The following KCTD16 variants were observed in gnomAD, a reference collection of about 807,000 sequenced individuals.
The protein encoded by KCTD16 is potassium channel tetramerization domain containing 16.
A neutral mutation model predicts 33.2 loss-of-function variants in KCTD16; 13 were observed. The observed-to-expected ratio is 0.39, with a 90% CI of 0.25 to 0.62. KCTD16 has a LOEUF of 0.62. KCTD16 is among the 20% of genes least tolerant of loss of function. The probability of loss-of-function intolerance (pLI) is 0.50; values close to 1 mark genes in which losing one functional copy is unlikely to be tolerated. For missense variants in KCTD16, 441 were observed against 525.1 expected, an observed-to-expected ratio of 0.84 and a Z score of 1.57; for synonymous variants, 197 against 195.3, an observed-to-expected ratio of 1.01 and a Z score of -0.07.
rs1404761917 is a variant in KCTD16 at position 144,446,514 on chromosome 5, A to G, written c.833-27146A>G. Among the ~76,000 whole-genome samples, 3 of 152,288 alleles carry G rather than the reference A, an allele frequency of 2.0e-5. No individual in the cohort carries two copies. The East Asian group carries it at 5.8e-4, about 29-fold the overall frequency. On this transcript the variant is annotated intron_variant, in intron 3 of 3. Transcript: ENST00000512467. ...GGCATGAACAAAGACTTCATGACTAAAACACCAAAAGCAATTGCAACAAAA... is the reference window on the plus strand; with the variant it reads ...GGCATGAACAAAGACTTCATGACTAGAACACCAAAAGCAATTGCAACAAAA...
intron 3 of KCTD16, among the ~76,000 whole-genome samples, chr5:144,264,502 A>T (rs1580830367): frequency 6.6e-6 from 1 of 152,126 alleles, no homozygotes; most frequent in African/African-American, 2.4e-5. Context: ...TGGAGTGGTG[A>T]CTATAATCCC....
chr5:144,295,004 A>C (rs1251712869), intron 3 of KCTD16, among the ~76,000 whole-genome samples: 2 of 152,156 alleles, frequency 1.3e-5, no homozygotes, highest in East Asian at 3.9e-4. Flanking sequence ...CCAATTGTTG[A>C]GCATTTTCTA....
chr5:144,384,361 G>A (rs540316092), intron 3 of KCTD16: 21 of 152,300 alleles, frequency 1.4e-4, no homozygotes, highest in Admixed American at 5.9e-4. Context: ...TCGTCATTCT[G>A]TGTTTTAAAT....
At chr5:144,238,354 T>A (rs1754311181) in intron 3 of KCTD16, among the ~76,000 whole-genome samples, 1 of 152,160 alleles carries the variant, frequency 6.6e-6, no homozygotes, top group Admixed American at 6.6e-5. Flanking sequence ...TCCCTTAAAA[T>A]TCTAGTCTGT....
intron 3 of KCTD16, among the ~76,000 whole-genome samples, chr5:144,259,866 T>C (rs1227493210): frequency 6.6e-6 from 1 of 152,208 alleles, no homozygotes; most frequent in Non-Finnish European, 1.5e-5. Context: ...TTCTTTATAG[T>C]ACCTTAGTCT....
At chr5:144,281,815 T>A (rs985839636) in intron 3 of KCTD16, among the ~76,000 whole-genome samples, 2 of 152,226 alleles carry the variant, frequency 1.3e-5, no homozygotes, top group Non-Finnish European at 2.9e-5. Context: ...TGGATTTGTC[T>A]TTTTCTTCTT....
intron 3 of KCTD16, among the ~76,000 whole-genome samples, chr5:144,408,855 C>T (rs892613381): frequency 6.6e-5 from 10 of 152,086 alleles, no homozygotes; most frequent in Non-Finnish European, 1.2e-4. Flanking sequence ...TTCCTTATTC[C>T]TCCCCCAGAC....
intron 3 of KCTD16, among the ~76,000 whole-genome samples, chr5:144,423,479 C>G (rs1328385919): frequency 1.3e-5 from 2 of 152,064 alleles, no homozygotes; most frequent in Admixed American, 6.6e-5. Context: ...ATCCCCCAGC[C>G]CTTTCAGAAA....
intron 3 of KCTD16, among the ~76,000 whole-genome samples, chr5:144,299,068 A>ATTT (rs1208107028): frequency 1.3e-5 from 1 of 79,498 alleles, no homozygotes; most frequent in South Asian, 3.1e-4. Flanking sequence ...ATATATATAT[A>ATTT]TATATTTTTG....
At chr5:144,405,595 A>G (rs940249379) in intron 3 of KCTD16, among the ~76,000 whole-genome samples, 6 of 152,142 alleles carry the variant, frequency 3.9e-5, no homozygotes, top group African/African-American at 1.4e-4. Flanking sequence ...GAGAAGCCTT[A>G]TCCTGCTAAG....
chr5:144,278,716 C>G (rs943049782), intron 3 of KCTD16, among the ~76,000 whole-genome samples: 1 of 151,746 alleles, frequency 6.6e-6, no homozygotes, highest in Admixed American at 6.6e-5. Flanking sequence ...CCAGGATGGT[C>G]TCGATCTCCT....
chr5:144,342,788 AG>A (rs1752681364), intron 3 of KCTD16, among the ~76,000 whole-genome samples: 2 of 152,322 alleles, frequency 1.3e-5, no homozygotes, highest in Middle Eastern at 3.4e-3. Context: ...TTTAGCATGA[AG>A]GGCTGTTGAA....
chr5:144,316,458 A>G (rs1043803416), intron 3 of KCTD16, among the ~76,000 whole-genome samples: 3 of 151,038 alleles, frequency 2.0e-5, no homozygotes, highest in African/African-American at 4.9e-5. Flanking sequence ...ATTATCAAAG[A>G]CTACTACCCT....
At chr5:144,394,710 A>G (rs1752526888) in intron 3 of KCTD16, among the ~76,000 whole-genome samples, 1 of 152,126 alleles carries the variant, frequency 6.6e-6, no homozygotes. Flanking sequence ...TTTTGTAAGA[A>G]TCTGGCATTT....
In KCTD16 at chr5:144,175,177, A is replaced by G. The variant is rs533788934; in HGVS notation, c.-327+705A>G. On this transcript the variant is annotated intron_variant, in intron 2 of 3. Coordinates refer to ENST00000512467, the MANE Select transcript of KCTD16 (RefSeq NM_020768.4). The stretch of plus-strand genomic sequence containing the variant: ...TAAGCACTTTGCACTTTTTAACTCA[A>G]TTACTCCTCCTCCTGACAACCCAAT... Among the ~76,000 whole-genome samples the G allele has an allele frequency of 2.6e-5, 4 of 152,310 alleles. No homozygotes were observed. The East Asian group carries it at 7.7e-4, about 29-fold the overall frequency.
chr5:144,355,059 T>C (rs945212910), intron 3 of KCTD16, among the ~76,000 whole-genome samples: 1 of 152,148 alleles, frequency 6.6e-6, no homozygotes, highest in Non-Finnish European at 1.5e-5. Context: ...ATTTTACAAA[T>C]GGAGGAACTG....
At chr5:144,470,848 A>G (rs1316128086) in intron 3 of KCTD16, among the ~76,000 whole-genome samples, 1 of 152,212 alleles carries the variant, frequency 6.6e-6, no homozygotes, top group East Asian at 1.9e-4. Context: ...ACATGAATAT[A>G]CAGAAATTTT....
At chr5:144,407,735 C>T (rs1752844041) in intron 3 of KCTD16, among the ~76,000 whole-genome samples, 1 of 152,078 alleles carries the variant, frequency 6.6e-6, no homozygotes, top group African/African-American at 2.4e-5. Context: ...TGTTGTTTCC[C>T]TCCCTGTGTC....
chr5:144,376,629 AAGCGTCATATGTC>A (rs1752099763), intron 3 of KCTD16, among the ~76,000 whole-genome samples: 1 of 152,172 alleles, frequency 6.6e-6, no homozygotes, highest in Admixed American at 6.5e-5. Context: ...TTCTTGAGAG[AAGCGTCATATGTC>A]ATATTTTTCC....
Sources: gnomAD v4.1 joint callset for allele counts (sites outside exome capture counted in the v4.1 genomes callset) on GRCh38, gnomAD v4.1.1 for gene constraint, MANE v1.5 for transcripts, NCBI Gene and HGNC (gene_info 2026-07-23, HGNC 2026-07-21) for gene names.